The following XRCC4 variants were observed in gnomAD, a reference collection of about 807,000 sequenced individuals.
XRCC4 encodes the protein DNA repair protein XRCC4.
XRCC4 carries 28 observed loss-of-function variants against 39.1 expected under a neutral mutation model. The ratio of observed to expected loss-of-function variants is 0.72; its 90% CI spans 0.53 to 0.98. The LOEUF (loss-of-function observed/expected upper bound fraction) is 0.98, where lower values mean the gene tolerates loss of function less well. Among genes scored for constraint, XRCC4 ranks in the 50% least tolerant of loss-of-function variants. XRCC4 has a pLI of 0.00. For synonymous variants in XRCC4, 123 were observed against 126.4 expected, an observed-to-expected ratio of 0.97 and a Z score of 0.18; for missense variants, 350 against 376.4, an observed-to-expected ratio of 0.93 and a Z score of 0.58.
At chr5:83,129,268 C>T (rs1275999922) in intron 3 of XRCC4, among the ~76,000 whole-genome samples, 2 of 147,696 alleles carry the variant, frequency 1.4e-5, no homozygotes, top group African/African-American at 5.1e-5. Flanking sequence ...TCAGGTTTGT[C>T]AAAGATCAGA....
chr5:83,310,953 C>T (rs1189639906), intron 7 of XRCC4: 3 of 422,836 alleles, frequency 7.1e-6, no homozygotes, highest in African/African-American at 4.1e-5. Context: ...ATCTTCCCTT[C>T]GAGCCTCCGG....
intron 7 of XRCC4, among the ~76,000 whole-genome samples, chr5:83,315,262 G>A (rs1284131519): frequency 6.6e-6 from 1 of 152,098 alleles, no homozygotes; most frequent in African/African-American, 2.4e-5. Context: ...GAGAGGTGAG[G>A]AAGCTGCAGA....
intron 6 of XRCC4, among the ~76,000 whole-genome samples, chr5:83,252,129 A>T (rs992112907): frequency 6.6e-6 from 1 of 152,190 alleles, no homozygotes; most frequent in African/African-American, 2.4e-5. Context: ...TATACTTGTC[A>T]GTAAGACATA....
Position 83,195,754 on chromosome 5 carries a change from T to G in XRCC4, c.316-16T>G. ...GATATTTTCCCCAAATTAACCATGT[T>G]TTTCTTTCATTTTAGTTCAGACTTG... On this transcript the variant is annotated splice_polypyrimidine_tract_variant and intron_variant, in intron 3 of 7. Coordinates refer to ENST00000396027, the MANE Select transcript of XRCC4 (RefSeq NM_003401.5). 6.5e-7 allele frequency: 1 copy of G among 1,537,604 alleles called. No individual in the cohort carries two copies. Among genetic ancestry groups the G allele is most frequent in the Non-Finnish European group, 8.8e-7 (1 of 1,141,276 alleles).
chr5:83,078,644 AACTT>A (rs1379930584), intron 1 of XRCC4, among the ~76,000 whole-genome samples: 1 of 152,242 alleles, frequency 6.6e-6, no homozygotes, highest in Non-Finnish European at 1.5e-5. Context: ...AACTATAACT[AACTT>A]GATATTTGAG....
intron 6 of XRCC4, among the ~76,000 whole-genome samples, chr5:83,247,476 C>A (rs1753151004): frequency 6.6e-6 from 1 of 152,020 alleles, no homozygotes; most frequent in Admixed American, 6.5e-5. Flanking sequence ...AAACCCTGTT[C>A]CTGGTGCCAA....
intron 3 of XRCC4, among the ~76,000 whole-genome samples, chr5:83,141,980 C>G (rs1018601006): frequency 6.6e-6 from 1 of 152,134 alleles, no homozygotes; most frequent in Admixed American, 6.5e-5. Context: ...CTGGAAAGTT[C>G]TTATTGCATG....
chr5:83,251,377 A>G (rs1159295028), intron 6 of XRCC4, among the ~76,000 whole-genome samples: 1 of 152,024 alleles, frequency 6.6e-6, no homozygotes, highest in East Asian at 1.9e-4. Flanking sequence ...TACAAAAATT[A>G]GCTGGGTGTG....
intron 3 of XRCC4, among the ~76,000 whole-genome samples, chr5:83,153,839 G>A (rs1748833127): frequency 6.6e-6 from 1 of 152,134 alleles, no homozygotes; most frequent in Non-Finnish European, 1.5e-5. Context: ...TCTGGAAGAT[G>A]TTTAATTTCT....
intron 7 of XRCC4, among the ~76,000 whole-genome samples, chr5:83,347,730 C>T (rs1315310065): frequency 6.6e-6 from 1 of 152,108 alleles, no homozygotes; most frequent in Non-Finnish European, 1.5e-5. Context: ...TCATGCATTG[C>T]CAAGAGTCCC....
At chr5:83,176,453 G>C (rs1429808049) in intron 3 of XRCC4, among the ~76,000 whole-genome samples, 1 of 152,116 alleles carries the variant, frequency 6.6e-6, no homozygotes, top group African/African-American at 2.4e-5. Flanking sequence ...CAAGGTGCAG[G>C]GTAGAGGCCG....
In XRCC4 at chr5:83,194,109, T is replaced by A. The variant is rs1281472983; in HGVS notation, c.316-1661T>A. On this transcript the variant is annotated intron_variant, in intron 3 of 7. Coordinates refer to ENST00000396027, the MANE Select transcript of XRCC4 (RefSeq NM_003401.5). Reference sequence around the variant, plus strand: ...CACCATGTCTGGCTCATTTTTGTATTTTTAGTAAAGACTAAACACTGTCTT... The same window carrying A: ...CACCATGTCTGGCTCATTTTTGTATATTTAGTAAAGACTAAACACTGTCTT... Among the ~76,000 whole-genome samples, 4 of 152,270 alleles carry A rather than the reference T, an allele frequency of 2.6e-5. No homozygotes were observed. In the East Asian group the frequency reaches 7.7e-4, roughly 29 times the overall value.
chr5:83,147,872 T>C (rs1317165717), intron 3 of XRCC4, among the ~76,000 whole-genome samples: 2 of 151,742 alleles, frequency 1.3e-5, no homozygotes, highest in Non-Finnish European at 2.9e-5. Context: ...CTCACTGCAA[T>C]CTCTGCCTCC....
At chr5:83,284,981 A>C (rs971458791) in intron 7 of XRCC4, among the ~76,000 whole-genome samples, 3 of 152,114 alleles carry the variant, frequency 2.0e-5, no homozygotes, top group Admixed American at 2.0e-4. Flanking sequence ...AGAAATGAGG[A>C]AGATTATTTA....
intron 6 of XRCC4, among the ~76,000 whole-genome samples, chr5:83,255,744 T>C (rs1288589299): frequency 6.6e-6 from 1 of 152,196 alleles, no homozygotes; most frequent in Non-Finnish European, 1.5e-5. Context: ...TCTCGGTCCT[T>C]TTAGGTGTCC....
chr5:83,313,649 C>G (rs948349402), intron 7 of XRCC4, among the ~76,000 whole-genome samples: 3 of 152,182 alleles, frequency 2.0e-5, no homozygotes. Flanking sequence ...ACATATTTGT[C>G]TAACACATCA....
intron 6 of XRCC4, among the ~76,000 whole-genome samples, chr5:83,232,031 T>A (rs1184089804): frequency 2.0e-5 from 3 of 152,082 alleles, no homozygotes; most frequent in Non-Finnish European, 4.4e-5. Context: ...CTAGTTTAAA[T>A]CTGTTTTGTT....
intron 2 of XRCC4, among the ~76,000 whole-genome samples, chr5:83,108,376 T>C (rs1229731041): frequency 2.0e-5 from 3 of 151,956 alleles, no homozygotes; most frequent in Non-Finnish European, 4.4e-5. Context: ...CAAATAGCTG[T>C]TTTACATAAT....
chr5:83,111,253 T>C (rs955267209), intron 3 of XRCC4, 50 bp downstream of exon 3: 22 of 1,430,546 alleles, frequency 1.5e-5, no homozygotes, highest in Middle Eastern at 1.9e-4. Context: ...AGAGCATTTA[T>C]TGAGGAATTA....
Sources: gnomAD v4.1 joint callset for allele counts (sites outside exome capture counted in the v4.1 genomes callset) on GRCh38, gnomAD v4.1.1 for gene constraint, MANE v1.5 for transcripts, NCBI Gene and HGNC (gene_info 2026-07-23, HGNC 2026-07-21) for gene names.